FRAS1: variants seen among roughly 807,000 people sequenced by gnomAD.
The protein encoded by FRAS1 is extracellular matrix organizing protein FRAS1.
A neutral mutation model predicts 435.2 loss-of-function variants in FRAS1; 290 were observed. The ratio of observed to expected loss-of-function variants is 0.67; its 90% CI spans 0.61 to 0.73. The LOEUF is 0.73. Among genes scored for constraint, FRAS1 ranks in the 30% least tolerant of loss-of-function variants. The probability of loss-of-function intolerance (pLI) is 0.00; values close to 1 mark genes in which losing one functional copy is unlikely to be tolerated. For synonymous variants in FRAS1, 1,800 were observed against 1,851.0 expected, an observed-to-expected ratio of 0.97 and a Z score of 0.71; for missense variants, 4,860 against 5,001.5, an observed-to-expected ratio of 0.97 and a Z score of 0.85.
intron 2 of FRAS1, among the ~76,000 whole-genome samples, chr4:78,235,832 C>T (rs774382432): frequency 2.0e-5 from 3 of 152,242 alleles, no homozygotes; most frequent in Admixed American, 6.5e-5. Flanking sequence ...GCCAGTAGTC[C>T]CACCTACTTG....
chr4:78,097,401 C>T (rs567001605), intron 2 of FRAS1, among the ~76,000 whole-genome samples: 20 of 152,184 alleles, frequency 1.3e-4, no homozygotes, highest in Non-Finnish European at 2.5e-4. Flanking sequence ...ATCTTTTCAG[C>T]CCACTCTACT....
intron 58 of FRAS1, 64 bp from the exon 59 acceptor site, chr4:78,488,811 A>G: frequency 6.8e-7 from 1 of 1,475,872 alleles, no homozygotes; most frequent in South Asian, 1.3e-5. Flanking sequence ...GCTGACAAGG[A>G]CCATGGCCAC....
At chr4:78,419,211 C>A in intron 33 of FRAS1, 148 bp downstream of exon 33, 1 of 533,266 alleles carries the variant, frequency 1.9e-6, no homozygotes, top group South Asian at 3.1e-5. Context: ...ATTTCTCGCT[C>A]CTGTCTTCTA....
intron 2 of FRAS1, among the ~76,000 whole-genome samples, chr4:78,084,676 G>A (rs1377806314): frequency 2.0e-5 from 3 of 152,070 alleles, no homozygotes; most frequent in Non-Finnish European, 2.9e-5. Context: ...AATGAAAGAT[G>A]TTCCGTCCTC....
intron 2 of FRAS1, among the ~76,000 whole-genome samples, chr4:78,182,889 AAAAAAAG>A (rs1722087588): frequency 1.3e-5 from 1 of 76,288 alleles, no homozygotes; most frequent in African/African-American, 4.8e-5. Context: ...CAAAAAAAAG[AAAAAAAG>A]AAAAAAAAAA....
intron 30 of FRAS1, among the ~76,000 whole-genome samples, chr4:78,406,425 A>C (rs538441712): frequency 2.0e-5 from 3 of 152,216 alleles, no homozygotes; most frequent in Non-Finnish European, 2.9e-5. Flanking sequence ...GAATCATGGC[A>C]GGAGGAGAAA....
At position 78,508,712 on chromosome 4, in the gene FRAS1, C is replaced by A; in HGVS notation, c.9505-19C>A. The A allele has an allele frequency of 6.2e-7, 1 of 1,613,270 alleles. No individual in the cohort carries two copies. The highest frequency in any genetic ancestry group is 8.5e-7 in the Non-Finnish European group (1 of 1,179,614). On this transcript the variant is annotated intron_variant, in intron 62 of 73. Coordinates refer to ENST00000512123, the MANE Select transcript of FRAS1 (RefSeq NM_025074.7). ...TGCCAATACCCAACCTGAACTGAAG[C>A]TTTGTTGCTCTTTCGCAGGTGGTCA...
intron 59 of FRAS1, 148 bp downstream of exon 59, chr4:78,489,228 C>A: frequency 1.5e-6 from 1 of 651,624 alleles, no homozygotes; most frequent in Non-Finnish European, 2.5e-6. Context: ...GGGGTGCCAA[C>A]TCCCCACACA....
chr4:78,256,838 C>T (rs1725818826), intron 6 of FRAS1, among the ~76,000 whole-genome samples: 1 of 152,002 alleles, frequency 6.6e-6, no homozygotes, highest in Non-Finnish European at 1.5e-5. Flanking sequence ...CATAAAAAAA[C>T]TCAACTGTGA....
intron 2 of FRAS1, among the ~76,000 whole-genome samples, chr4:78,223,942 A>ATAT (rs765524618): frequency 3.0e-4 from 46 of 152,080 alleles, no homozygotes; most frequent in Non-Finnish European, 5.6e-4. Context: ...TTTTGTTACT[A>ATAT]TATTATTATT....
intron 2 of FRAS1, among the ~76,000 whole-genome samples, chr4:78,189,884 C>G (rs1219607497): frequency 1.3e-5 from 2 of 152,166 alleles, no homozygotes; most frequent in African/African-American, 4.8e-5. Flanking sequence ...ATAGTTGTTT[C>G]TAATTCTACC....
chr4:78,411,383 A>C (rs185265041), intron 31 of FRAS1, among the ~76,000 whole-genome samples: 2 of 152,170 alleles, frequency 1.3e-5, no homozygotes, highest in African/African-American at 4.8e-5. Flanking sequence ...AAGTGCTGGG[A>C]TTACAGGCGT....
intron 64 of FRAS1, among the ~76,000 whole-genome samples, chr4:78,513,146 G>GA (rs138090444): frequency 0.14 from 21,929 of 151,798 alleles, 1,911 homozygotes; most frequent in Non-Finnish European, 0.21. Context: ...TTCCTGTATA[G>GA]AAAAAAAATC....
intron 2 of FRAS1, among the ~76,000 whole-genome samples, chr4:78,083,077 G>A (rs578020803): frequency 2.2e-4 from 33 of 151,594 alleles, no homozygotes; most frequent in African/African-American, 7.8e-4. Context: ...GTGGTAATAG[G>A]GATCTGGAAA....
rs145542290 is a variant in FRAS1, at chr4:78,263,795, A to G, written c.604-1230A>G. ...AATAAAACAACCTAAAACAGAGAAA[A>G]TAGTTGTCAATTTAATTCTAGTGGT... On this transcript the variant is annotated intron_variant, in intron 6 of 73. Transcript: ENST00000512123. Among the ~76,000 whole-genome samples, 439 of 152,360 alleles carry G rather than the reference A, an allele frequency of 2.9e-3. 1 individual carries two copies. Among genetic ancestry groups the G allele is most frequent in the African/African-American group, 9.4e-3 (391 of 41,584 alleles).
At chr4:78,325,354 T>A (rs1265396101) in intron 18 of FRAS1, among the ~76,000 whole-genome samples, 1 of 152,254 alleles carries the variant, frequency 6.6e-6, no homozygotes, top group African/African-American at 2.4e-5. Flanking sequence ...TTTGATCATT[T>A]AGTTGTTGCT....
intron 19 of FRAS1, 31 bp downstream of exon 19, chr4:78,333,443 C>T (rs777287827): frequency 1.3e-6 from 2 of 1,595,132 alleles, no homozygotes; most frequent in South Asian, 1.2e-5. Context: ...GGCACATTGC[C>T]TATGACCATG....
intron 58 of FRAS1, among the ~76,000 whole-genome samples, chr4:78,487,117 G>A (rs1170076848): frequency 6.6e-6 from 1 of 152,076 alleles, no homozygotes; most frequent in Non-Finnish European, 1.5e-5. Flanking sequence ...GTCCTCCTAT[G>A]CTGGGCGATG....
chr4:78,489,980 A>AAAAAAG (rs1578354883), intron 59 of FRAS1, among the ~76,000 whole-genome samples: 2 of 150,432 alleles, frequency 1.3e-5, no homozygotes, highest in East Asian at 3.9e-4. Flanking sequence ...AAAAAAAAAA[A>AAAAAAG]AAAAAAAGAA....
Sources: gnomAD v4.1 joint callset for allele counts (sites outside exome capture counted in the v4.1 genomes callset) on GRCh38, gnomAD v4.1.1 for gene constraint, MANE v1.5 for transcripts, NCBI Gene and HGNC (gene_info 2026-07-23, HGNC 2026-07-21) for gene names.